The following RAPSN variants were observed in gnomAD, a reference collection of about 807,000 sequenced individuals.
RAPSN encodes receptor associated protein of the synapse.
In RAPSN, 33 loss-of-function variants were observed where a neutral mutation model predicts 45.7. The ratio of observed to expected loss-of-function variants is 0.72; its 90% CI spans 0.55 to 0.97. RAPSN has a LOEUF of 0.97. Ranked by LOEUF, RAPSN falls within the 50% of genes least tolerant of loss-of-function variation. The pLI, the probability that RAPSN is intolerant of heterozygous loss-of-function variation, is 0.00. For missense variants in RAPSN, 519 were observed against 559.4 expected (o/e 0.93, Z 0.73); for synonymous variants, 244 against 233.6 (o/e 1.04, Z -0.40).
intron 6 of RAPSN, among the ~76,000 whole-genome samples, chr11:47,439,603 G>A (rs964753400): frequency 6.6e-6 from 1 of 151,718 alleles, no homozygotes; most frequent in Non-Finnish European, 1.5e-5. Flanking sequence ...CCAAATTTTG[G>A]CATTTTGGTT....
chr11:47,448,087 A>G lies in RAPSN; in HGVS notation c.256T>C (p.Tyr86His), dbSNP rs758735043. ...TCGTTGCTGCGTGCCAGGTTCAGGT[A>G]GCTCTCCAGGAGGAAGTCGGCATCC... is the stretch of plus-strand genomic sequence containing the variant. ...LEDADFLLESYLNLARSNEKL... is the reference protein window; with the variant it reads ...LEDADFLLESHLNLARSNEKL... Residue 86 changes from tyrosine (Y) to histidine (H), a missense_variant, in exon 2 of 8, where the codon TAC (tyrosine) becomes CAC (histidine). Coordinates refer to ENST00000298854, the MANE Select transcript of RAPSN (RefSeq NM_005055.5). The G allele has an allele frequency of 1.2e-6, 2 of 1,613,954 alleles. No homozygotes were observed. The highest frequency in any genetic ancestry group is 2.2e-5 in the East Asian group (1 of 44,880).
intron 2 of RAPSN, 40 bp downstream of exon 2, chr11:47,447,772 C>T: frequency 1.3e-6 from 2 of 1,580,388 alleles, no homozygotes; most frequent in Non-Finnish European, 1.7e-6. Context: ...AGGGGAGCCC[C>T]AAAACCCTCC....
At chr11:47,441,540 C>A in intron 5 of RAPSN, 71 bp downstream of exon 5, 1 of 1,593,976 alleles carries the variant, frequency 6.3e-7, no homozygotes. Flanking sequence ...GCTGAAAGAG[C>A]CGGCTAACCT....
At chr11:47,440,763 C>CTTTTA (rs2076355889) in intron 6 of RAPSN, among the ~76,000 whole-genome samples, 1 of 151,994 alleles carries the variant, frequency 6.6e-6, no homozygotes, top group Admixed American at 6.6e-5. Context: ...ATGTTTTTTT[C>CTTTTA]TTTTCTTTTC....
chr11:47,445,750 C>T (rs2076401178), intron 2 of RAPSN, among the ~76,000 whole-genome samples: 1 of 151,936 alleles, frequency 6.6e-6, no homozygotes, highest in Non-Finnish European at 1.5e-5. Context: ...TGGTTAGAAA[C>T]TAAGATTTTT....
intron 2 of RAPSN, among the ~76,000 whole-genome samples, chr11:47,446,077 A>C (rs970560373): frequency 6.6e-6 from 1 of 151,638 alleles, no homozygotes; most frequent in Non-Finnish European, 1.5e-5. Context: ...AATAGGTGTG[A>C]GCCACCATGT....
chr11:47,448,937 T>A lies in RAPSN; in HGVS notation c.28A>T (p.Ile10Phe). 1 of 1,614,244 alleles carries A rather than the reference T, an allele frequency of 6.2e-7. No individual in the cohort carries two copies. Among genetic ancestry groups the A allele is most frequent in the Middle Eastern group, 1.6e-4 (1 of 6,062 alleles). MGQDQTKQQ[I>F]EKGLQLYQSN... is the part of the protein sequence containing the mutation. ...TGGTACAGCTGGAGCCCCTTCTCGA[T>A]CTGCTGCTTGGTCTGGTCCTGCCCC... Residue 10 changes from isoleucine to phenylalanine, a missense_variant, in exon 1 of 8, where the codon ATC becomes TTC. By Grantham distance (21) the Ile-to-Phe change is conservative. Coordinates refer to ENST00000298854, the MANE Select transcript of RAPSN (RefSeq NM_005055.5).
At chr11:47,445,570 T>C (rs1595901212) in intron 2 of RAPSN, among the ~76,000 whole-genome samples, 1 of 116,198 alleles carries the variant, frequency 8.6e-6, no homozygotes, top group Non-Finnish European at 1.6e-5. Context: ...CACTCCAGCC[T>C]AGGCAACAGA....
chr11:47,444,949 C>G (rs976738294), intron 2 of RAPSN, among the ~76,000 whole-genome samples: 3 of 144,700 alleles, frequency 2.1e-5, no homozygotes, highest in Non-Finnish European at 4.6e-5. Flanking sequence ...TTTGGCCGGG[C>G]GCAGTGGCTT....
chr11:47,443,433 T>A (rs1291393390), intron 2 of RAPSN, among the ~76,000 whole-genome samples: 1 of 152,054 alleles, frequency 6.6e-6, no homozygotes, highest in African/African-American at 2.4e-5. Context: ...AGAAGCTCCT[T>A]CCCCTCCTGT....
intron 6 of RAPSN, among the ~76,000 whole-genome samples, chr11:47,440,538 A>T (rs1032459241): frequency 6.6e-6 from 1 of 152,166 alleles, no homozygotes. Context: ...ACCTGAGGTC[A>T]GGAGTTTCAG....
intron 1 of RAPSN, 22 bp from the exon 2 acceptor site, chr11:47,448,172 A>T: frequency 6.2e-7 from 1 of 1,604,664 alleles, no homozygotes; most frequent in Non-Finnish European, 8.5e-7. Flanking sequence ...GACGGTGGGC[A>T]GGTGGTGCTC....
chr11:47,443,712 C>T (rs977443244), intron 2 of RAPSN, among the ~76,000 whole-genome samples: 3 of 151,926 alleles, frequency 2.0e-5, no homozygotes, highest in Admixed American at 1.3e-4. Flanking sequence ...ACAGGAGGAA[C>T]GCTTGAGCAT....
Position 47,438,015 on chromosome 11 carries a change from G to A in RAPSN, c.1199C>T (p.Pro400Leu). 1.9e-6 allele frequency: 3 copies of A among 1,550,158 alleles called. No homozygotes were observed. The highest frequency in any genetic ancestry group is 2.6e-6 in the Non-Finnish European group (3 of 1,146,950). Residue 400 changes from proline to leucine, a missense_variant, in exon 8 of 8, where the codon CCC (proline) becomes CTC (leucine). By Grantham distance (98) the Pro-to-Leu change is moderately conservative (BLOSUM62 -3). Transcript: ENST00000298854. ...CLQNNGTRSC[P>L]NCRRSSMKPG... ...CTTCATGGATGAGCGGCGGCAGTTG[G>A]GACAGCTCCGGGTCCCGTTGTTCTG...
rs2076376414 is a variant in RAPSN, at chr11:47,442,829, G to A, written c.532-15C>T. The A allele has an allele frequency of 6.2e-7, 1 of 1,613,432 alleles. No homozygotes were observed. Among genetic ancestry groups the A allele is most frequent in the South Asian group, 1.1e-5 (1 of 91,086 alleles). On this transcript the variant is annotated splice_polypyrimidine_tract_variant and intron_variant, in intron 2 of 7. Coordinates refer to ENST00000298854, the MANE Select transcript of RAPSN (RefSeq NM_005055.5). ...TTCTCGTAGTCCTGCAGGGGACATGGAATGGAAGGAGGCAAACTGAGTGGC... is the reference window on the plus strand; with the variant it reads ...TTCTCGTAGTCCTGCAGGGGACATGAAATGGAAGGAGGCAAACTGAGTGGC...
Position 47,448,779 on chromosome 11 carries a change from C to A in RAPSN, c.186G>T (p.Met62Ile). 3 of 1,610,098 alleles carry A rather than the reference C, an allele frequency of 1.9e-6. No individual in the cohort carries two copies. In the South Asian group the frequency reaches 3.3e-5, roughly 18 times the overall value. ...AHSEMGRYKE[M>I]LKFAVVQIDT... ...CCAGGCCGGGTACACCCACCTTCAG[C>A]ATCTCCTTGTAGCGGCCCATCTCCG... Residue 62 changes from methionine to isoleucine, a missense_variant, in exon 1 of 8, where the codon ATG (methionine) becomes ATT (isoleucine). Met to Ile is a conservative substitution (Grantham distance 10). Transcript: ENST00000298854.
In RAPSN at chr11:47,442,547, A is replaced by G. The variant is rs992661575; in HGVS notation, c.690+109T>C. 16 of 1,291,882 alleles carry G rather than the reference A, an allele frequency of 1.2e-5. No homozygotes were observed. The African/African-American group carries it at 2.1e-4, about 17-fold the overall frequency. The allele number at this position is 1,291,882 out of a possible 1,614,324, so 80.0% of individuals were successfully genotyped here. ...AGAGGCTGGGCCAGAGGCAAGCCCT[A>G]GGGGGCTTCCATGGGCTGATTTGGA... On this transcript the variant is annotated intron_variant, in intron 3 of 7. Transcript: ENST00000298854.
intron 3 of RAPSN, among the ~76,000 whole-genome samples, chr11:47,442,277 T>C (rs1480890178): frequency 3.3e-5 from 5 of 151,988 alleles, no homozygotes; most frequent in African/African-American, 7.2e-5. Flanking sequence ...CCCCTGCAGA[T>C]GGATTGGAAG....
chr11:47,446,972 T>C (rs2076411226), intron 2 of RAPSN, among the ~76,000 whole-genome samples: 1 of 152,090 alleles, frequency 6.6e-6, no homozygotes, highest in Admixed American at 6.6e-5. Flanking sequence ...CCTTCACAGT[T>C]GGCCCTCCTC....
Sources: gnomAD v4.1 joint callset for allele counts (sites outside exome capture counted in the v4.1 genomes callset) on GRCh38, gnomAD v4.1.1 for gene constraint, MANE v1.5 for transcripts, NCBI Gene and HGNC (gene_info 2026-07-23, HGNC 2026-07-21) for gene names.